The following MRPS28 variants were observed in gnomAD, a reference collection of about 807,000 sequenced individuals.
MRPS28 encodes small ribosomal subunit protein bS1m.
MRPS28 carries 7 observed loss-of-function variants against 10.8 expected under a neutral mutation model. The ratio of observed to expected loss-of-function variants is 0.65; its 90% CI spans 0.37 to 1.22. The LOEUF (loss-of-function observed/expected upper bound fraction) is 1.22. MRPS28 is among the 50% of genes most tolerant of loss of function. The pLI is 0.02. For synonymous variants in MRPS28, 121 were observed against 93.3 expected (o/e 1.30, Z -1.71); for missense variants, 265 against 232.9 (o/e 1.14, Z -0.90).
At chr8:79,919,919 G>A (rs1157472970) in intron 2 of MRPS28, among the ~76,000 whole-genome samples, 6 of 148,568 alleles carry the variant, frequency 4.0e-5, no homozygotes, top group South Asian at 4.4e-4. Flanking sequence ...TTTACGTTAG[G>A]TATATCTCCT....
At chr8:80,020,821 A>G (rs1052439409) in intron 1 of MRPS28, among the ~76,000 whole-genome samples, 1 of 152,218 alleles carries the variant, frequency 6.6e-6, no homozygotes, top group Non-Finnish European at 1.5e-5. Flanking sequence ...GGCCTGAAGG[A>G]AAAAGGTCAG....
intron 2 of MRPS28, among the ~76,000 whole-genome samples, chr8:79,924,625 T>C (rs1467207149): frequency 5.9e-5 from 9 of 152,220 alleles, no homozygotes; most frequent in African/African-American, 9.6e-5. Flanking sequence ...TGATATTACA[T>C]GCAAAATTGA....
intron 2 of MRPS28, among the ~76,000 whole-genome samples, chr8:79,992,933 A>G (rs1284840187): frequency 6.6e-6 from 1 of 152,244 alleles, no homozygotes; most frequent in East Asian, 1.9e-4. Flanking sequence ...CAAAGTACCT[A>G]GCATAGAGTA....
intron 2 of MRPS28, among the ~76,000 whole-genome samples, chr8:79,935,048 T>C (rs889774065): frequency 2.0e-5 from 3 of 152,232 alleles, no homozygotes; most frequent in Non-Finnish European, 4.4e-5. Flanking sequence ...ACCTTTTAAA[T>C]AGACTTTGCC....
At chr8:79,967,670 A>C (rs1480428944) in intron 2 of MRPS28, among the ~76,000 whole-genome samples, 1 of 152,160 alleles carries the variant, frequency 6.6e-6, no homozygotes. Flanking sequence ...AAGTTGAATA[A>C]TCAAGATGGA....
chr8:80,013,269 A>T (rs1809101839), intron 1 of MRPS28, among the ~76,000 whole-genome samples: 1 of 152,212 alleles, frequency 6.6e-6, no homozygotes, highest in Admixed American at 6.5e-5. Context: ...TCTAAAATAT[A>T]AAAAGGATTT....
chr8:79,943,820 T>A (rs1371301029), intron 2 of MRPS28, among the ~76,000 whole-genome samples: 2 of 152,190 alleles, frequency 1.3e-5, no homozygotes, highest in African/African-American at 4.8e-5. Flanking sequence ...TGTTTTTACA[T>A]TAACCAAAAA....
intron 1 of MRPS28, among the ~76,000 whole-genome samples, chr8:80,022,379 AT>A (rs1809389622): frequency 6.6e-6 from 1 of 152,218 alleles, no homozygotes; most frequent in Admixed American, 6.5e-5. Flanking sequence ...GTTTTTGGCT[AT>A]TACAAATGAA....
At chr8:79,931,708 A>G (rs535015686) in intron 2 of MRPS28, among the ~76,000 whole-genome samples, 10 of 152,358 alleles carry the variant, frequency 6.6e-5, no homozygotes, top group Non-Finnish European at 1.3e-4. Flanking sequence ...CAGGTACAGA[A>G]CTAGCTACTC....
chr8:80,008,145 C>G (rs1236997285), intron 1 of MRPS28, among the ~76,000 whole-genome samples: 3 of 152,168 alleles, frequency 2.0e-5, no homozygotes, highest in Non-Finnish European at 4.4e-5. Context: ...TGATCTTTGA[C>G]AAACCTGACA....
At chr8:79,985,188 C>G (rs1432512832) in intron 2 of MRPS28, among the ~76,000 whole-genome samples, 1 of 151,962 alleles carries the variant, frequency 6.6e-6, no homozygotes, top group African/African-American at 2.4e-5. Flanking sequence ...GGGTACATAA[C>G]GAAATGAAGG....
chr8:79,938,203 C>A (rs552511454), intron 2 of MRPS28, among the ~76,000 whole-genome samples: 1 of 144,438 alleles, frequency 6.9e-6, no homozygotes, highest in Non-Finnish European at 1.5e-5. Flanking sequence ...AAGTGAAATC[C>A]GAGTGCTACA....
intron 1 of MRPS28, among the ~76,000 whole-genome samples, chr8:80,005,830 C>G (rs1372411939): frequency 6.6e-6 from 1 of 152,252 alleles, no homozygotes; most frequent in Non-Finnish European, 1.5e-5. Flanking sequence ...GCAGCGGTTG[C>G]AATCCTAGTC....
At chr8:79,926,885 G>A (rs1436301468) in intron 2 of MRPS28, among the ~76,000 whole-genome samples, 1 of 152,120 alleles carries the variant, frequency 6.6e-6, no homozygotes, top group Non-Finnish European at 1.5e-5. Context: ...AAATCAATAG[G>A]GTAGAGCTAG....
intron 2 of MRPS28, among the ~76,000 whole-genome samples, chr8:79,990,344 T>G (rs558675320): frequency 6.6e-6 from 1 of 152,252 alleles, no homozygotes; most frequent in African/African-American, 2.4e-5. Context: ...CTCTTCTAGC[T>G]TTCTGTTCCC....
chr8:79,969,845 G>A (rs540417327), intron 2 of MRPS28, among the ~76,000 whole-genome samples: 16 of 152,220 alleles, frequency 1.1e-4, no homozygotes, highest in East Asian at 1.9e-4. Flanking sequence ...GTAATTTTCC[G>A]TTTTTCTTAT....
At chr8:79,968,467 A>G (rs1472074993) in intron 2 of MRPS28, among the ~76,000 whole-genome samples, 1 of 152,144 alleles carries the variant, frequency 6.6e-6, no homozygotes, top group African/African-American at 2.4e-5. Flanking sequence ...GTCCAGCATC[A>G]ATCTTTGTAT....
At chr8:80,012,278 T>C (rs951842380) in intron 1 of MRPS28, among the ~76,000 whole-genome samples, 2 of 152,226 alleles carry the variant, frequency 1.3e-5, no homozygotes, top group Non-Finnish European at 2.9e-5. Flanking sequence ...TATTGCATCA[T>C]TGATTTTGGG....
intron 2 of MRPS28, among the ~76,000 whole-genome samples, chr8:79,979,501 A>C (rs116110469): frequency 2.6e-5 from 4 of 152,118 alleles, no homozygotes; most frequent in Non-Finnish European, 2.9e-5. Context: ...ATAAAAAATA[A>C]ATTTTAAAAG....
Sources: allele counts gnomAD v4.1 joint callset (sites outside exome capture counted in the v4.1 genomes callset), GRCh38; gene constraint gnomAD v4.1.1; transcripts MANE v1.5; gene names NCBI Gene and HGNC (gene_info 2026-07-23, HGNC 2026-07-21).